Variants in SNX29 observed in about 807,000 individuals in gnomAD.
SNX29 encodes sorting nexin-29.
Under a neutral mutation model 102.1 loss-of-function variants are expected in SNX29, and 78 were observed. The observed-to-expected ratio is 0.76, with a 90% confidence interval of 0.64 to 0.92. The LOEUF is 0.92. SNX29 is among the 40% of genes least tolerant of loss of function. The probability of loss-of-function intolerance (pLI) is 0.00; values close to 1 mark genes in which losing one functional copy is unlikely to be tolerated. For missense variants in SNX29, 1,280 were observed against 1,061.7 expected (o/e 1.21, Z -2.86); for synonymous variants, 580 against 414.5 (o/e 1.40, Z -4.85).
intron 20 of SNX29, among the ~76,000 whole-genome samples, chr16:12,549,725 C>A (rs143050220): frequency 6.6e-6 from 1 of 152,218 alleles, no homozygotes; most frequent in African/African-American, 2.4e-5. Flanking sequence ...AGTCACCCTA[C>A]AAAGTGTGTT....
chr16:12,411,208 T>G (rs2084385008), intron 18 of SNX29, among the ~76,000 whole-genome samples: 1 of 152,196 alleles, frequency 6.6e-6, no homozygotes, highest in South Asian at 2.1e-4. Flanking sequence ...TCACACCTGT[T>G]GTATACCAGG....
At chr16:12,443,292 A>G (rs1023900806) in intron 18 of SNX29, 7 of 204,342 alleles carry the variant, frequency 3.4e-5, no homozygotes, top group African/African-American at 1.2e-4. Flanking sequence ...CTCCCTGACT[A>G]CTCTACCAAC....
intron 20 of SNX29, among the ~76,000 whole-genome samples, chr16:12,561,512 C>G (rs117074658): frequency 6.6e-6 from 1 of 152,128 alleles, no homozygotes; most frequent in African/African-American, 2.4e-5. Flanking sequence ...ACAGGTGAAA[C>G]AAAGTGAAAA....
chr16:12,334,483 A>T (rs990103757), intron 15 of SNX29, among the ~76,000 whole-genome samples: 5 of 152,300 alleles, frequency 3.3e-5, no homozygotes, highest in African/African-American at 1.2e-4. Context: ...CTTAATCTTG[A>T]TGCATAAAAC....
At chr16:12,512,843 G>C (rs1238539677) in intron 19 of SNX29, among the ~76,000 whole-genome samples, 2 of 152,188 alleles carry the variant, frequency 1.3e-5, no homozygotes, top group Non-Finnish European at 2.9e-5. Flanking sequence ...TGCCTGGGGA[G>C]TGAGGGCGAG....
chr16:12,541,708 C>T (rs550431074), intron 20 of SNX29, among the ~76,000 whole-genome samples: 2 of 152,236 alleles, frequency 1.3e-5, no homozygotes, highest in East Asian at 3.9e-4. Flanking sequence ...GGAGTGGGTT[C>T]CTGATTCCTG....
At chr16:12,347,715 T>A (rs773310101) in intron 15 of SNX29, among the ~76,000 whole-genome samples, 47 of 152,034 alleles carry the variant, frequency 3.1e-4, no homozygotes, top group Non-Finnish European at 5.3e-4. Flanking sequence ...CCGAGAACTC[T>A]TTCATCCCTT....
intron 14 of SNX29, among the ~76,000 whole-genome samples, chr16:12,255,320 C>T (rs373871527): frequency 7.2e-5 from 11 of 152,026 alleles, no homozygotes; most frequent in South Asian, 2.1e-4. Flanking sequence ...CTCAGCCTCC[C>T]GAGTAGCTGG....
At chr16:11,978,438 T>C (rs2055348836) in intron 1 of SNX29, among the ~76,000 whole-genome samples, 1 of 152,192 alleles carries the variant, frequency 6.6e-6, no homozygotes, top group Non-Finnish European at 1.5e-5. Flanking sequence ...GGATACCTAG[T>C]AGTACCTATC....
At chr16:12,087,956 G>A in intron 11 of SNX29, 1 of 456,746 alleles carries the variant, frequency 2.2e-6, no homozygotes, top group Non-Finnish European at 4.4e-6. Context: ...GGACCTGTTG[G>A]GCAGTGGGTC....
At chr16:12,224,655 A>G (rs1410326256) in intron 14 of SNX29, among the ~76,000 whole-genome samples, 3 of 152,242 alleles carry the variant, frequency 2.0e-5, no homozygotes, top group African/African-American at 7.2e-5. Context: ...TAAAGAGCCT[A>G]CATGTGCAAA....
intron 11 of SNX29, among the ~76,000 whole-genome samples, chr16:12,102,579 C>G (rs1482616116): frequency 6.6e-6 from 1 of 152,164 alleles, no homozygotes; most frequent in Non-Finnish European, 1.5e-5. Flanking sequence ...GGAGAAGTGT[C>G]TGCTCATATC....
chr16:12,092,056 G>GAGC (rs1316428704), intron 11 of SNX29, among the ~76,000 whole-genome samples: 1 of 152,194 alleles, frequency 6.6e-6, no homozygotes, highest in East Asian at 1.9e-4. Flanking sequence ...CCATCTAGAA[G>GAGC]AGCGCAGCAC....
chr16:12,280,718 C>A (rs870640), intron 15 of SNX29, among the ~76,000 whole-genome samples: 1 of 152,124 alleles, frequency 6.6e-6, no homozygotes, highest in African/African-American at 2.4e-5. Context: ...CATTTCACTA[C>A]ACCAATACTT....
rs575851966 is a variant in SNX29, at chr16:12,541,364, C to CCT, written c.2318+16524_2318+16525dup. Among the ~76,000 whole-genome samples the CCT allele has an allele frequency of 5.3e-5, 8 of 152,218 alleles. No individual in the cohort carries two copies. The South Asian group carries it at 1.2e-3, about 24-fold the overall frequency. On this transcript the variant is annotated intron_variant, in intron 20 of 20. Transcript: ENST00000566228. Reference sequence around the variant, plus strand: ...ACCTTCTTCATTCTTCACAGAATTCCCTATGAGGGCAGTTACCATGTGCAG... The same window carrying CCT: ...ACCTTCTTCATTCTTCACAGAATTCCCTCTATGAGGGCAGTTACCATGTGCAG...
At chr16:12,510,732 C>G (rs896548591) in intron 19 of SNX29, among the ~76,000 whole-genome samples, 2 of 152,058 alleles carry the variant, frequency 1.3e-5, no homozygotes, top group Admixed American at 6.6e-5. Context: ...TCTCCTCCCC[C>G]ACCCCCCAGC....
intron 18 of SNX29, among the ~76,000 whole-genome samples, chr16:12,421,466 A>G (rs574469701): frequency 2.6e-5 from 4 of 152,354 alleles, no homozygotes; most frequent in African/African-American, 9.6e-5. Flanking sequence ...AAACAGTGGA[A>G]ATATTCCTAG....
chr16:12,500,706 T>G (rs971153738), intron 19 of SNX29, among the ~76,000 whole-genome samples: 2 of 152,226 alleles, frequency 1.3e-5, no homozygotes, highest in African/African-American at 4.8e-5. Flanking sequence ...ATCTGAGAGC[T>G]TGTCGGATGT....
chr16:12,152,446 G>T (rs952507469), intron 13 of SNX29, among the ~76,000 whole-genome samples: 2 of 152,116 alleles, frequency 1.3e-5, no homozygotes, highest in Admixed American at 1.3e-4. Context: ...GAGACAGTGT[G>T]GCTTCATGGA....
Sources: gnomAD v4.1 joint callset for allele counts (sites outside exome capture counted in the v4.1 genomes callset) on GRCh38, gnomAD v4.1.1 for gene constraint, MANE v1.5 for transcripts, NCBI Gene and HGNC (gene_info 2026-07-23, HGNC 2026-07-21) for gene names.